Variants in LYPD5 observed in about 807,000 individuals in gnomAD.
LYPD5 encodes the protein ly6/PLAUR domain-containing protein 5.
In LYPD5, 21 loss-of-function variants were observed where a neutral mutation model predicts 19.1. The ratio of observed to expected loss-of-function variants is 1.10; its 90% CI spans 0.78 to 1.58. The LOEUF (loss-of-function observed/expected upper bound fraction) is 1.58. Among genes scored for constraint, LYPD5 ranks in the 40% most tolerant of loss-of-function variants. The probability of loss-of-function intolerance (pLI) is 0.00; values close to 1 mark genes in which losing one functional copy is unlikely to be tolerated. For missense variants in LYPD5, 287 were observed against 329.8 expected, an observed-to-expected ratio of 0.87 and a Z score of 1.00; for synonymous variants, 128 against 142.7, an observed-to-expected ratio of 0.90 and a Z score of 0.74.
At chr19:43,802,170 C>A (rs746270197) in intron 1 of LYPD5, 147 bp downstream of exon 1, 2 of 401,588 alleles carry the variant, frequency 5.0e-6, no homozygotes, top group Non-Finnish European at 4.6e-6. Context: ...AGGCCCCCAG[C>A]CCCCTCCTCC....
At chr19:43,806,660 CAACAAAACAAAACAA>C (rs149155466), upstream of LYPD5, among the ~76,000 whole-genome samples, 2 of 151,028 alleles carry the variant, frequency 1.3e-5, no homozygotes, top group African/African-American at 2.5e-5. Context: ...GACACCGTCT[CAACAAAACAAAACAA>C]AACAAAACAA....
chr19:43,820,496 TC>T (rs1970409777), intron 1 of LYPD5: 1 of 148,518 alleles, frequency 6.7e-6, no homozygotes, highest in Admixed American at 6.7e-5. Context: ...ACTGTCGCCT[TC>T]TTCGGCTGCT....
intron 1 of LYPD5, among the ~76,000 whole-genome samples, chr19:43,812,319 G>T (rs1334793580): frequency 6.8e-6 from 1 of 146,304 alleles, no homozygotes; most frequent in East Asian, 2.1e-4. Context: ...GGAGGGGAAT[G>T]ATTTGTGGTT....
At chr19:43,801,664 A>G (rs1158248035) in intron 1 of LYPD5, among the ~76,000 whole-genome samples, 1 of 152,234 alleles carries the variant, frequency 6.6e-6, no homozygotes, top group Non-Finnish European at 1.5e-5. Flanking sequence ...GCATTTGTTC[A>G]GACTAAGACT....
In LYPD5 at chr19:43,798,616, T is replaced by TA; in HGVS notation, c.371-16dup. 1.2e-6 allele frequency: 2 copies of TA among 1,609,522 alleles called. No homozygotes were observed. The highest frequency in any genetic ancestry group is 1.7e-6 in the Non-Finnish European group (2 of 1,179,952). ...CGGGTCGGGTGCTGGCAAGAGAGCG[T>TA]AGATGCACACTCAGGCAGTGGTACC... On this transcript the variant is annotated splice_polypyrimidine_tract_variant and intron_variant, in intron 3 of 4. Transcript: ENST00000377950.
At chr19:43,799,629 C>G in intron 2 of LYPD5, 77 bp downstream of exon 2, 1 of 1,408,926 alleles carries the variant, frequency 7.1e-7, no homozygotes, top group Non-Finnish European at 9.7e-7. Flanking sequence ...TACTCAATTC[C>G]CCTCCCTTTC....
At position 43,817,197 on chromosome 19, in the gene LYPD5, A is replaced by G. The variant is rs538657868; in HGVS notation, c.-66+3343T>C. On this transcript the variant is annotated intron_variant, in intron 1 of 4. Transcript: ENST00000414615. ...TGCATAGTATAGTCAGGCCTCACTCAAAGTTCTAATGGTTGGTTGGTTATT... is the reference window on the plus strand; with the variant it reads ...TGCATAGTATAGTCAGGCCTCACTCGAAGTTCTAATGGTTGGTTGGTTATT... 6.6e-5 allele frequency among the ~76,000 whole-genome samples: 10 copies of G among 152,218 alleles called. No individual in the cohort carries two copies. In the South Asian group the frequency reaches 1.7e-3, roughly 25 times the overall value.
At chr19:43,803,916 C>T (rs1194496099), upstream of LYPD5, among the ~76,000 whole-genome samples, 1 of 152,140 alleles carries the variant, frequency 6.6e-6, no homozygotes, top group Non-Finnish European at 1.5e-5. Flanking sequence ...CGGCTCACTG[C>T]AAGCTCCGCC....
rs776628723 is a variant in LYPD5 at position 43,797,566 on chromosome 19, G to A, written c.*25C>T. On this transcript the variant is annotated 3_prime_UTR_variant, in exon 5 of 5. Transcript: ENST00000377950. The stretch of plus-strand genomic sequence containing the variant: ...AGCAAGAATGAGGTGTGTGAGCCCT[G>A]TCCCCAGCATCCTGGAGGGGCGGTC... 20 of 1,530,264 alleles carry A rather than the reference G, an allele frequency of 1.3e-5. No homozygotes were observed. In the South Asian group the frequency reaches 2.1e-4, roughly 16 times the overall value. The allele number at this position is 1,530,264 out of a possible 1,614,324, so 94.8% of individuals were successfully genotyped here.
chr19:43,809,759 T>C (rs1218099405), intron 1 of LYPD5, among the ~76,000 whole-genome samples: 1 of 152,200 alleles, frequency 6.6e-6, no homozygotes. Context: ...TAGATGAAAA[T>C]ATGAACTGCA....
chr19:43,803,433 C>CT (rs1421831362), upstream of LYPD5, among the ~76,000 whole-genome samples: 1 of 152,160 alleles, frequency 6.6e-6, no homozygotes, highest in East Asian at 1.9e-4. Flanking sequence ...TTCTTGCTGC[C>CT]TGGAGATGCT....
chr19:43,799,013 C>G (rs1371400622), intron 2 of LYPD5, 25 bp from the exon 3 acceptor site: 3 of 1,537,854 alleles, frequency 2.0e-6, no homozygotes, highest in Non-Finnish European at 2.6e-6. Context: ...GGGGCTCGTG[C>G]TCTGCTTCCC....
At chr19:43,809,276 A>G (rs934276039) in intron 1 of LYPD5, among the ~76,000 whole-genome samples, 2 of 152,140 alleles carry the variant, frequency 1.3e-5, no homozygotes, top group Non-Finnish European at 2.9e-5. Flanking sequence ...TGACCTCGTG[A>G]TCTGCCCACC....
intron 1 of LYPD5, among the ~76,000 whole-genome samples, chr19:43,814,951 G>T (rs1172367901): frequency 6.6e-6 from 1 of 152,176 alleles, no homozygotes; most frequent in Non-Finnish European, 1.5e-5. Flanking sequence ...TCAGCAGCTG[G>T]TTTTCAAATT....
chr19:43,800,066 C>A, intron 1 of LYPD5: 1 of 375,186 alleles, frequency 2.7e-6, no homozygotes, highest in South Asian at 3.4e-5. Flanking sequence ...CCAGGACACT[C>A]CAGGTCTCCA....
chr19:43,801,062 A>G (rs928651829), intron 1 of LYPD5, among the ~76,000 whole-genome samples: 1 of 150,534 alleles, frequency 6.6e-6, no homozygotes, highest in African/African-American at 2.4e-5. Flanking sequence ...ACACATCAAA[A>G]GGCCCAAACA....
chr19:43,802,244 G>T, intron 1 of LYPD5, 73 bp downstream of exon 1: 6 of 1,229,750 alleles, frequency 4.9e-6, no homozygotes, highest in Non-Finnish European at 4.5e-6. Context: ...CAGGCCCCCA[G>T]TCTCTCCTCC....
chr19:43,798,795 C>A lies in LYPD5; in HGVS notation c.370+17G>T. ...CTCATCGTCCCTCCCGGAGCCCAGC[C>A]CCGCTCTCCCGCGCACCTTGGCTCA... On this transcript the variant is annotated intron_variant, in intron 3 of 4. Coordinates refer to ENST00000377950, the MANE Select transcript of LYPD5 (RefSeq NM_001031749.3). The A allele has an allele frequency of 6.3e-7, 1 of 1,598,568 alleles. No individual in the cohort carries two copies. The highest frequency in any genetic ancestry group is 1.1e-5 in the South Asian group (1 of 89,086).
At chr19:43,799,603 T>A in intron 2 of LYPD5, 103 bp downstream of exon 2, 19 of 1,254,120 alleles carry the variant, frequency 1.5e-5, no homozygotes, top group Non-Finnish European at 2.1e-5. Context: ...CTTTCTATCT[T>A]TATCTTTTCA....
Sources: allele counts gnomAD v4.1 joint callset (sites outside exome capture counted in the v4.1 genomes callset), GRCh38; gene constraint gnomAD v4.1.1; transcripts MANE v1.5; gene names NCBI Gene and HGNC (gene_info 2026-07-23, HGNC 2026-07-21).